The following BLTP1 variants were observed in gnomAD, a reference collection of about 807,000 sequenced individuals.
The protein encoded by BLTP1 is fragile site-associated protein.
chr4:122,238,217 G>C, the BLTP1 span: 4 of 1,614,042 alleles, frequency 2.5e-6, no homozygotes, highest in Non-Finnish European at 3.4e-6. Context: ...CTCTTCCTCA[G>C]AAGAGAACAG....
chr4:122,319,198 A>G, the BLTP1 span, among the ~76,000 whole-genome samples: 4 of 151,662 alleles, frequency 2.6e-5, no homozygotes, highest in East Asian at 3.9e-4. Context: ...ATTTTTCTCT[A>G]TTGATTTCCT....
chr4:122,251,773 T>C, the BLTP1 span, among the ~76,000 whole-genome samples: 1 of 152,302 alleles, frequency 6.6e-6, no homozygotes, highest in African/African-American at 2.4e-5. Context: ...TTTCTTCTTC[T>C]TAAATGTGGT....
chr4:122,185,920 A>G, the BLTP1 span: 28 of 823,676 alleles, frequency 3.4e-5, no homozygotes, highest in South Asian at 9.4e-5. Flanking sequence ...TCTCTGTATC[A>G]TGGAATTCTA....
At chr4:122,165,071 G>T in the BLTP1 span, among the ~76,000 whole-genome samples, 1 of 151,842 alleles carries the variant, frequency 6.6e-6, no homozygotes, top group African/African-American at 2.4e-5. Context: ...CACCTATGTT[G>T]TCACATTTTT....
At chr4:122,259,332 G>T in the BLTP1 span, among the ~76,000 whole-genome samples, 2 of 152,308 alleles carry the variant, frequency 1.3e-5, no homozygotes, top group African/African-American at 4.8e-5. Flanking sequence ...GTTGCTCTCT[G>T]ACTGAACAGG....
At chr4:122,271,762 C>CAAT in the BLTP1 span, 1 of 1,298,064 alleles carries the variant, frequency 7.7e-7, no homozygotes, top group Non-Finnish European at 1.1e-6. Context: ...TTTCCATTTA[C>CAAT]AATAACAATA....
chr4:122,171,647 T>G, the BLTP1 span: 8,089 of 174,436 alleles, frequency 0.046, 290 homozygotes, highest in Non-Finnish European at 0.064. Flanking sequence ...ACAGGTTTTT[T>G]TTTTTTTTTT....
the BLTP1 span, chr4:122,279,812 C>T: frequency 1.2e-6 from 2 of 1,614,056 alleles, no homozygotes; most frequent in Admixed American, 1.7e-5. Flanking sequence ...GTCCCAAGCC[C>T]TCTACAGTGC....
chr4:122,350,195 C>G, the BLTP1 span: 1 of 1,443,398 alleles, frequency 6.9e-7, no homozygotes, highest in Non-Finnish European at 9.1e-7. Flanking sequence ...GGCTCTTTAT[C>G]TCACTCAGTT....
At chr4:122,212,922 A>G in the BLTP1 span, among the ~76,000 whole-genome samples, 1 of 152,206 alleles carries the variant, frequency 6.6e-6, no homozygotes, top group Non-Finnish European at 1.5e-5. Context: ...TTAAATTTTG[A>G]CATGTTTACT....
At chr4:122,339,149 A>G in the BLTP1 span, 1 of 1,540,392 alleles carries the variant, frequency 6.5e-7, no homozygotes, top group Non-Finnish European at 8.8e-7. Flanking sequence ...TATTATTTCT[A>G]TTTAAAACTT....
the BLTP1 span, among the ~76,000 whole-genome samples, chr4:122,361,490 G>T: frequency 6.6e-6 from 1 of 152,178 alleles, no homozygotes; most frequent in Non-Finnish European, 1.5e-5. Context: ...CTCCATGAGG[G>T]AGGAGGGTAC....
At chr4:122,327,912 A>C in the BLTP1 span, 1 of 332,824 alleles carries the variant, frequency 3.0e-6, no homozygotes, top group African/African-American at 2.2e-5. Context: ...TCAGTAGTGT[A>C]ACTTTCTGTG....
the BLTP1 span, chr4:122,333,561 G>A: frequency 6.8e-7 from 1 of 1,476,736 alleles, no homozygotes; most frequent in African/African-American, 1.4e-5. Context: ...GTTGCGAAAA[G>A]TTTGCTTTTA....
chr4:122,174,695 C>T, the BLTP1 span: 8 of 1,322,318 alleles, frequency 6.0e-6, no homozygotes, highest in Non-Finnish European at 6.4e-6. Flanking sequence ...GTTAAACATA[C>T]TTTAAAAATA....
chr4:122,187,963 A>T, the BLTP1 span: 1 of 1,596,378 alleles, frequency 6.3e-7, no homozygotes, highest in East Asian at 2.3e-5. Context: ...ATGCTTTCTT[A>T]ACTTATACTA....
chr4:122,162,439 T>TGCACTGGTTAATCCCCTTCCAGG, the BLTP1 span: 3 of 740,432 alleles, frequency 4.1e-6, no homozygotes, highest in Non-Finnish European at 4.9e-6. Flanking sequence ...GATTAACCAG[T>TGCACTGGTTAATCCCCTTCCAGG]GCACTGAGCT....
At chr4:122,152,875 G>C in the BLTP1 span, 1 of 493,050 alleles carries the variant, frequency 2.0e-6, no homozygotes, top group African/African-American at 2.1e-5. Flanking sequence ...GCTGGTGTGT[G>C]GACTCGGCAG....
chr4:122,303,785 A>G, the BLTP1 span, among the ~76,000 whole-genome samples: 1 of 152,206 alleles, frequency 6.6e-6, no homozygotes, highest in Non-Finnish European at 1.5e-5. Flanking sequence ...TAAAACTTGA[A>G]TGGGTGAAGA....
Sources: gnomAD v4.1 joint callset for allele counts (sites outside exome capture counted in the v4.1 genomes callset) on GRCh38, gnomAD v4.1.1 for gene constraint, MANE v1.5 for transcripts, NCBI Gene and HGNC (gene_info 2026-07-23, HGNC 2026-07-21) for gene names.